The following ARK2C variants were observed in gnomAD, a reference collection of about 807,000 sequenced individuals.
The protein encoded by ARK2C is arkadia (RNF111) C-terminal like ring finger ubiquitin ligase 2C.
the ARK2C span, among the ~76,000 whole-genome samples, chr18:46,415,172 C>A: frequency 6.6e-6 from 1 of 152,156 alleles, no homozygotes; most frequent in African/African-American, 2.4e-5. Context: ...TTGACTGACA[C>A]TCATCGAAAT....
At chr18:46,334,389 CG>C in the ARK2C span, 2 of 1,514,324 alleles carry the variant, frequency 1.3e-6, no homozygotes, top group Admixed American at 1.9e-5. This position sits in a 1 kb window ranked among gnomAD's most constrained non-coding sequence, Gnocchi z 4.4. Context: ...CCGCAGGCAC[CG>C]GGGCGGGGGC....
chr18:46,373,869 C>T, the ARK2C span, among the ~76,000 whole-genome samples: 5 of 152,294 alleles, frequency 3.3e-5, no homozygotes, highest in South Asian at 2.1e-4. Flanking sequence ...CCCTCCCACC[C>T]CCGGTCCCAG....
the ARK2C span, among the ~76,000 whole-genome samples, chr18:46,373,813 T>C: frequency 7.9e-5 from 12 of 152,202 alleles, no homozygotes; most frequent in Non-Finnish European, 1.8e-4. Context: ...GGCCAGACCG[T>C]GCAGCCAGAG....
chr18:46,426,973 A>T, the ARK2C span, among the ~76,000 whole-genome samples: 143,683 of 152,332 alleles, frequency 0.94, 68,376 homozygotes, highest in East Asian at 1. Flanking sequence ...ACCCAGATAT[A>T]CTATCCTGGG....
the ARK2C span, among the ~76,000 whole-genome samples, chr18:46,446,904 C>T: frequency 6.6e-6 from 1 of 152,092 alleles, no homozygotes; most frequent in South Asian, 2.1e-4. Flanking sequence ...CTTTTGCTGT[C>T]ACCCTAATAG....
the ARK2C span, among the ~76,000 whole-genome samples, chr18:46,342,228 C>A: frequency 6.6e-6 from 1 of 152,192 alleles, no homozygotes; most frequent in African/African-American, 2.4e-5. Flanking sequence ...AGAAGGGGAA[C>A]CTAGGTGATT....
the ARK2C span, among the ~76,000 whole-genome samples, chr18:46,402,152 T>C: frequency 2.0e-5 from 3 of 152,210 alleles, no homozygotes; most frequent in African/African-American, 4.8e-5. Flanking sequence ...AAGTGTATAT[T>C]TGGTGAGTTC....
the ARK2C span, chr18:46,460,486 C>T: frequency 7.2e-5 from 11 of 151,790 alleles, no homozygotes; most frequent in Admixed American, 7.2e-4. Flanking sequence ...TTGTAGATAT[C>T]GTGGGTTCTT....
the ARK2C span, among the ~76,000 whole-genome samples, chr18:46,406,538 T>C: frequency 6.6e-6 from 1 of 152,216 alleles, no homozygotes; most frequent in Non-Finnish European, 1.5e-5. Flanking sequence ...ATCTGTCTCA[T>C]GCAGCTGAGG....
chr18:46,433,715 G>A, the ARK2C span, among the ~76,000 whole-genome samples: 1 of 152,232 alleles, frequency 6.6e-6, no homozygotes, highest in African/African-American at 2.4e-5. Context: ...TGTTTCAGAG[G>A]CATCCACTTC....
At chr18:46,359,602 C>T in the ARK2C span, among the ~76,000 whole-genome samples, 1 of 152,158 alleles carries the variant, frequency 6.6e-6, no homozygotes, top group Non-Finnish European at 1.5e-5. Flanking sequence ...ACCTGAAAGC[C>T]CATGTATGAG....
chr18:46,365,625 T>G, the ARK2C span, among the ~76,000 whole-genome samples: 2 of 152,174 alleles, frequency 1.3e-5, no homozygotes, highest in Admixed American at 1.3e-4. Context: ...TGCCTCAGCC[T>G]CCCCAGTAGC....
chr18:46,346,132 A>G, the ARK2C span, among the ~76,000 whole-genome samples: 2 of 152,208 alleles, frequency 1.3e-5, no homozygotes, highest in South Asian at 2.1e-4. Context: ...GGGCAGAGAG[A>G]GAAGGGATGG....
the ARK2C span, among the ~76,000 whole-genome samples, chr18:46,394,657 T>C: frequency 6.6e-6 from 1 of 152,228 alleles, no homozygotes; most frequent in African/African-American, 2.4e-5. Flanking sequence ...AACAAACTAA[T>C]GACCCTGGCG....
At chr18:46,405,567 A>C in the ARK2C span, among the ~76,000 whole-genome samples, 1 of 152,158 alleles carries the variant, frequency 6.6e-6, no homozygotes, top group Non-Finnish European at 1.5e-5. Context: ...AGGGCGAAGG[A>C]GACAGCGCAA....
the ARK2C span, among the ~76,000 whole-genome samples, chr18:46,430,892 G>T: frequency 1.3e-5 from 2 of 152,138 alleles, no homozygotes; most frequent in African/African-American, 4.8e-5. Context: ...TGTTCCTCGA[G>T]TTCATTGTTT....
At chr18:46,462,060 T>C in the ARK2C span, 5 of 152,448 alleles carry the variant, frequency 3.3e-5, no homozygotes, top group African/African-American at 9.6e-5. Context: ...TCTCTGCTCC[T>C]GGCATCTCCT....
At chr18:46,411,838 G>A in the ARK2C span, among the ~76,000 whole-genome samples, 32 of 152,346 alleles carry the variant, frequency 2.1e-4, no homozygotes, top group East Asian at 3.1e-3. Context: ...GGGCTGAGCC[G>A]TGTATGTGTG....
At chr18:46,413,954 A>G in the ARK2C span, among the ~76,000 whole-genome samples, 1 of 152,162 alleles carries the variant, frequency 6.6e-6, no homozygotes, top group Non-Finnish European at 1.5e-5. Flanking sequence ...AAACCACATA[A>G]TTTAATTCAA....
Sources: gnomAD v4.1 joint callset for allele counts (sites outside exome capture counted in the v4.1 genomes callset) on GRCh38, gnomAD v4.1.1 for gene constraint, Gnocchi (gnomAD v3.1) non-coding constraint, MANE v1.5 for transcripts, NCBI Gene and HGNC (gene_info 2026-07-23, HGNC 2026-07-21) for gene names.